Variants in NFAM1 observed in about 807,000 individuals in gnomAD.
The protein encoded by NFAM1 is NFAT activation molecule 1.
NFAM1 carries 17 observed loss-of-function variants against 29.0 expected under a neutral mutation model. That is an observed-to-expected ratio of 0.59 (90% CI 0.40 to 0.88). The LOEUF is 0.88. NFAM1 is among the 40% of genes least tolerant of loss of function. The pLI, the probability that NFAM1 is intolerant of heterozygous loss-of-function variation, is 0.00. For missense variants in NFAM1, 324 were observed against 344.6 expected (o/e 0.94, Z 0.47); for synonymous variants, 175 against 147.2 (o/e 1.19, Z -1.36).
chr22:42,386,115 C>G (rs922028572), intron 5 of NFAM1, among the ~76,000 whole-genome samples: 17 of 152,152 alleles, frequency 1.1e-4, no homozygotes, highest in Non-Finnish European at 2.5e-4. Flanking sequence ...TGCCTCACAC[C>G]TTTAATCCCA....
intron 1 of NFAM1, among the ~76,000 whole-genome samples, chr22:42,418,990 T>C (rs1930348259): frequency 6.6e-6 from 1 of 152,190 alleles, no homozygotes; most frequent in African/African-American, 2.4e-5. Context: ...CACGGGTGCC[T>C]GAGTCCTTCC....
At chr22:42,386,916 C>T (rs982399293) in intron 5 of NFAM1, 73 bp downstream of exon 5, 2 of 802,090 alleles carry the variant, frequency 2.5e-6, no homozygotes, top group Non-Finnish European at 4.0e-6. Context: ...TCCCATTTGC[C>T]CCCCCACTTC....
At chr22:42,385,266 A>C in intron 5 of NFAM1, 46 bp from the exon 6 acceptor site, 2 of 1,329,746 alleles carry the variant, frequency 1.5e-6, no homozygotes, top group Non-Finnish European at 1.1e-6. Flanking sequence ...AAGAGAGAGA[A>C]TGACCATTAA....
upstream of NFAM1, chr22:42,432,488 T>G: frequency 7.4e-7 from 1 of 1,342,962 alleles, no homozygotes; most frequent in Non-Finnish European, 9.8e-7. Flanking sequence ...GAAGCAAAGC[T>G]GGAACAGCCC....
chr22:42,397,855 C>T lies in NFAM1; in HGVS notation c.663+3G>A. On this transcript the variant is annotated splice_donor_region_variant and intron_variant, in intron 4 of 5. Coordinates refer to ENST00000329021, the MANE Select transcript of NFAM1 (RefSeq NM_145912.8). ...GGAGGGAGCCGGGGGCCCCGGGACT[C>T]ACTGTGTAGACAGATTCTGAAGGAT... The T allele has an allele frequency of 6.3e-7, 1 of 1,599,132 alleles. No homozygotes were observed.
chr22:42,394,656 A>T (rs529520089), intron 4 of NFAM1, among the ~76,000 whole-genome samples: 1 of 152,328 alleles, frequency 6.6e-6, no homozygotes, highest in Non-Finnish European at 1.5e-5. Flanking sequence ...GAAAAGAAGA[A>T]AGATAGGAAA....
chr22:42,427,467 C>A (rs1930659869), intron 1 of NFAM1, among the ~76,000 whole-genome samples: 1 of 152,210 alleles, frequency 6.6e-6, no homozygotes, highest in South Asian at 2.1e-4. Flanking sequence ...TCACCATTTC[C>A]TGAGCATCTG....
chr22:42,404,232 C>T (rs1289341471), intron 3 of NFAM1, among the ~76,000 whole-genome samples: 6 of 152,104 alleles, frequency 3.9e-5, no homozygotes, highest in Non-Finnish European at 2.9e-5. Flanking sequence ...CCAGTGGAGT[C>T]GCACACTCTG....
chr22:42,401,657 A>C (rs931488844), intron 3 of NFAM1, among the ~76,000 whole-genome samples: 2 of 152,094 alleles, frequency 1.3e-5, no homozygotes, highest in African/African-American at 4.8e-5. Flanking sequence ...CCTCGGGGCC[A>C]ACATTTGCCT....
At chr22:42,396,049 A>G (rs563374389) in intron 4 of NFAM1, among the ~76,000 whole-genome samples, 23 of 152,262 alleles carry the variant, frequency 1.5e-4, no homozygotes, top group African/African-American at 5.1e-4. Context: ...TCTTGATACC[A>G]TCATCGTTGT....
At chr22:42,434,497 G>A (rs1031684957), upstream of NFAM1, among the ~76,000 whole-genome samples, 28 of 152,332 alleles carry the variant, frequency 1.8e-4, no homozygotes, top group Non-Finnish European at 2.9e-4. Context: ...CTGCAGCCAC[G>A]CAGCCTCCTG....
At chr22:42,424,190 C>T (rs559691896) in intron 1 of NFAM1, among the ~76,000 whole-genome samples, 15 of 152,140 alleles carry the variant, frequency 9.9e-5, no homozygotes, top group African/African-American at 3.1e-4. Flanking sequence ...CCAAGGCGGG[C>T]GGATCACAAC....
At position 42,397,708 on chromosome 22, in the gene NFAM1, G is replaced by A. The variant is rs1373698530; in HGVS notation, c.663+150C>T. 17 of 605,612 alleles carry A rather than the reference G, an allele frequency of 2.8e-5. 1 individual carries two copies. Among genetic ancestry groups the A allele is most frequent in the Middle Eastern group, 7.3e-4 (2 of 2,756 alleles). The allele number at this position is 605,612 out of a possible 1,614,324, so 37.5% of individuals were successfully genotyped here. A position where few individuals can be genotyped will look rare whatever the true frequency, so the allele number is the denominator to read the frequency against. On this transcript the variant is annotated intron_variant, in intron 4 of 5. Coordinates refer to ENST00000329021, the MANE Select transcript of NFAM1 (RefSeq NM_145912.8). Reference sequence around the variant, plus strand: ...GCTTCAGAGAAATTCCATGAGGTAAGAATTGTTATCCCCATTTTATAGATG... The same window carrying A: ...GCTTCAGAGAAATTCCATGAGGTAAAAATTGTTATCCCCATTTTATAGATG...
In NFAM1 at chr22:42,411,622, G is replaced by A. The variant is rs1400765930; in HGVS notation, c.236C>T (p.Thr79Ile). 6.2e-7 allele frequency: 1 copy of A among 1,614,058 alleles called. No individual in the cohort carries two copies. Among genetic ancestry groups the A allele is most frequent in the African/African-American group, 1.3e-5 (1 of 74,934 alleles). ...YPYTPQFKVF[T>I]VSYFHEDLQG... ...GAGATCTTCATGAAAGTAGCTGACT[G>A]TGAAAACCTTGAATTGGGGAGTGTA... Residue 79 changes from threonine to isoleucine, a missense_variant, in exon 2 of 6, where the codon ACA becomes ATA. Transcript: ENST00000329021.
chr22:42,411,823 T>C (rs1479515801), intron 1 of NFAM1, 87 bp from the exon 2 acceptor site: 14 of 886,266 alleles, frequency 1.6e-5, no homozygotes, highest in Non-Finnish European at 2.3e-5. Context: ...CACGACCGGG[T>C]GCGGTGGCTC....
At chr22:42,432,515 G>C, upstream of NFAM1, 1 of 1,028,268 alleles carries the variant, frequency 9.7e-7, no homozygotes. Flanking sequence ...GTGGCCGCCA[G>C]ATGAGGAACC....
intron 1 of NFAM1, among the ~76,000 whole-genome samples, chr22:42,418,570 A>G (rs1023329456): frequency 5.3e-5 from 8 of 152,160 alleles, no homozygotes; most frequent in African/African-American, 1.2e-4. Flanking sequence ...GCACAAGCCT[A>G]TAGTCTCAGA....
At chr22:42,393,380 T>TG (rs1179326606) in intron 4 of NFAM1, among the ~76,000 whole-genome samples, 1 of 150,292 alleles carries the variant, frequency 6.7e-6, no homozygotes. Context: ...TGAGAACTCA[T>TG]GAAAAAAATT....
chr22:42,389,992 A>C (rs1256538250), intron 4 of NFAM1, among the ~76,000 whole-genome samples: 1 of 152,112 alleles, frequency 6.6e-6, no homozygotes, highest in East Asian at 1.9e-4. Context: ...AGGCAGTGGA[A>C]ATGGGGAGCC....
Sources: gnomAD v4.1 joint callset for allele counts (sites outside exome capture counted in the v4.1 genomes callset) on GRCh38, gnomAD v4.1.1 for gene constraint, MANE v1.5 for transcripts, NCBI Gene and HGNC (gene_info 2026-07-23, HGNC 2026-07-21) for gene names.